NKAIN2: variants seen among roughly 807,000 people sequenced by gnomAD.
NKAIN2 encodes the protein sodium/potassium transporting ATPase interacting 2.
NKAIN2 carries 14 observed loss-of-function variants against 32.6 expected under a neutral mutation model. That is an observed-to-expected ratio of 0.43 (90% CI 0.28 to 0.67). The LOEUF (loss-of-function observed/expected upper bound fraction) is 0.67, where lower values mean the gene tolerates loss of function less well. NKAIN2 is among the 30% of genes least tolerant of loss of function. NKAIN2 has a pLI of 0.17. For synonymous variants in NKAIN2, 80 were observed against 87.2 expected (o/e 0.92, Z 0.46); for missense variants, 198 against 258.3 (o/e 0.77, Z 1.60).
intron 3 of NKAIN2, among the ~76,000 whole-genome samples, chr6:124,484,111 A>G (rs1777560807): frequency 6.6e-6 from 1 of 152,234 alleles, no homozygotes; most frequent in South Asian, 2.1e-4. Flanking sequence ...TAAAGGAGAT[A>G]GTTGGACTGG....
At chr6:124,101,058 A>G (rs1003269534) in intron 1 of NKAIN2, among the ~76,000 whole-genome samples, 5 of 152,204 alleles carry the variant, frequency 3.3e-5, no homozygotes, top group African/African-American at 9.7e-5. Flanking sequence ...TCTGGATGCC[A>G]TACAATTGTT....
At chr6:124,397,711 A>G (rs1320178998) in intron 3 of NKAIN2, among the ~76,000 whole-genome samples, 1 of 152,050 alleles carries the variant, frequency 6.6e-6, no homozygotes, top group African/African-American at 2.4e-5. Context: ...CCTTATCCAT[A>G]TAACAAGCAT....
At chr6:123,991,306 G>T (rs1472620917) in intron 1 of NKAIN2, among the ~76,000 whole-genome samples, 1 of 152,096 alleles carries the variant, frequency 6.6e-6, no homozygotes, top group Admixed American at 6.6e-5. Flanking sequence ...TTTAGAGCTG[G>T]TTCTGCTGAT....
At chr6:124,468,496 G>A (rs1424112172) in intron 3 of NKAIN2, among the ~76,000 whole-genome samples, 3 of 152,004 alleles carry the variant, frequency 2.0e-5, no homozygotes, top group South Asian at 2.1e-4. Flanking sequence ...AATATAATGG[G>A]AAAAAGTGGC....
intron 1 of NKAIN2, among the ~76,000 whole-genome samples, chr6:123,809,633 A>T (rs1460153830): frequency 6.6e-6 from 1 of 152,160 alleles, no homozygotes; most frequent in Non-Finnish European, 1.5e-5. Context: ...CTTTTGTTAA[A>T]AAATACTTCA....
chr6:124,147,816 A>C (rs934506586), intron 1 of NKAIN2, among the ~76,000 whole-genome samples: 1 of 152,148 alleles, frequency 6.6e-6, no homozygotes, highest in Non-Finnish European at 1.5e-5. Flanking sequence ...TAGTAAAGCT[A>C]TCAGTAGGAG....
chr6:123,810,592 T>A (rs543339042), intron 1 of NKAIN2, among the ~76,000 whole-genome samples: 22 of 152,268 alleles, frequency 1.4e-4, no homozygotes, highest in African/African-American at 5.3e-4. Flanking sequence ...AATAGGGTCT[T>A]GGAAATTTGA....
At chr6:124,297,417 A>C (rs1344329397) in intron 2 of NKAIN2, among the ~76,000 whole-genome samples, 1 of 152,178 alleles carries the variant, frequency 6.6e-6, no homozygotes, top group Non-Finnish European at 1.5e-5. Flanking sequence ...CATTATAAAG[A>C]TCTTTATGTT....
chr6:124,554,963 C>G (rs1339928628), intron 3 of NKAIN2, among the ~76,000 whole-genome samples: 1 of 152,038 alleles, frequency 6.6e-6, no homozygotes, highest in Non-Finnish European at 1.5e-5. Flanking sequence ...AGAGCCTCCT[C>G]TCTGTCTTCA....
intron 4 of NKAIN2, among the ~76,000 whole-genome samples, chr6:124,673,371 A>C (rs1326616695): frequency 6.6e-6 from 1 of 152,128 alleles, no homozygotes; most frequent in African/African-American, 2.4e-5. Context: ...ATGTTCGTTC[A>C]AGATTCAATT....
At chr6:123,818,808 CAT>C (rs1773804915) in intron 1 of NKAIN2, among the ~76,000 whole-genome samples, 2 of 152,278 alleles carry the variant, frequency 1.3e-5, no homozygotes, top group South Asian at 4.1e-4. Flanking sequence ...TATATCACCT[CAT>C]GTGTTTTTCT....
chr6:124,160,797 A>G (rs1582763908), intron 1 of NKAIN2, among the ~76,000 whole-genome samples: 1 of 152,154 alleles, frequency 6.6e-6, no homozygotes, highest in Non-Finnish European at 1.5e-5. Context: ...CTGAAATCCC[A>G]AATTTATAAT....
At chr6:123,940,487 A>G (rs1188094870) in intron 1 of NKAIN2, among the ~76,000 whole-genome samples, 4 of 152,004 alleles carry the variant, frequency 2.6e-5, no homozygotes, top group African/African-American at 9.7e-5. Flanking sequence ...GTACTTACAC[A>G]AACCTAGATG....
chr6:124,587,858 C>T (rs1781764836), intron 3 of NKAIN2, among the ~76,000 whole-genome samples: 1 of 152,198 alleles, frequency 6.6e-6, no homozygotes, highest in Non-Finnish European at 1.5e-5. Context: ...GAAAATGTGT[C>T]TGCTCATATT....
intron 1 of NKAIN2, among the ~76,000 whole-genome samples, chr6:123,873,973 A>C (rs923821368): frequency 6.6e-6 from 1 of 152,188 alleles, no homozygotes; most frequent in Non-Finnish European, 1.5e-5. Context: ...TTTGACATAC[A>C]GGAGGAGCAA....
chr6:124,377,556 A>G (rs936394715), intron 3 of NKAIN2, among the ~76,000 whole-genome samples: 2 of 152,122 alleles, frequency 1.3e-5, no homozygotes, highest in Non-Finnish European at 2.9e-5. Context: ...AGCCACAGAA[A>G]AGTTGGAGAA....
chr6:124,489,337 T>A (rs1272824095), intron 3 of NKAIN2, among the ~76,000 whole-genome samples: 2 of 151,942 alleles, frequency 1.3e-5, no homozygotes, highest in African/African-American at 4.8e-5. Flanking sequence ...TAAGAAAATA[T>A]GAACCTCAAA....
chr6:124,525,188 C>T (rs182882707), intron 3 of NKAIN2, among the ~76,000 whole-genome samples: 17 of 152,206 alleles, frequency 1.1e-4, no homozygotes, highest in East Asian at 3.9e-4. Flanking sequence ...AGGTCACCAA[C>T]GAGACCTGTG....
At chr6:124,118,949 G>C (rs1785747503) in intron 1 of NKAIN2, among the ~76,000 whole-genome samples, 1 of 152,116 alleles carries the variant, frequency 6.6e-6, no homozygotes, top group Admixed American at 6.5e-5. Flanking sequence ...AGCCAGATTT[G>C]GTTCATGGAC....
Sources: gnomAD v4.1 joint callset for allele counts (sites outside exome capture counted in the v4.1 genomes callset) on GRCh38, gnomAD v4.1.1 for gene constraint, MANE v1.5 for transcripts, NCBI Gene and HGNC (gene_info 2026-07-23, HGNC 2026-07-21) for gene names.